Variants in LRP1B observed in about 807,000 individuals in gnomAD.
LRP1B encodes LDL receptor related protein 1B, also known as low-density lipoprotein receptor-related protein 1B.
In LRP1B, 217 loss-of-function variants were observed where a neutral mutation model predicts 556.6. The observed-to-expected ratio is 0.39, with a 90% CI of 0.35 to 0.44. LRP1B has a LOEUF of 0.44. LRP1B is among the 20% of genes least tolerant of loss of function. The pLI, the probability that LRP1B is intolerant of heterozygous loss-of-function variation, is 1.00. For missense variants in LRP1B, 5,053 were observed against 5,620.8 expected (o/e 0.90, Z 3.23); for synonymous variants, 2,047 against 1,865.8 (o/e 1.10, Z -2.50).
chr2:140,918,664 C>T (rs760799588), intron 21 of LRP1B, among the ~76,000 whole-genome samples: 2 of 152,000 alleles, frequency 1.3e-5, no homozygotes, highest in East Asian at 1.9e-4. Flanking sequence ...TGTTATAGAC[C>T]GAATGTTTGT....
At chr2:141,361,064 T>C (rs1688809648) in intron 3 of LRP1B, among the ~76,000 whole-genome samples, 1 of 152,168 alleles carries the variant, frequency 6.6e-6, no homozygotes, top group South Asian at 2.1e-4. Context: ...CATTAGGTAA[T>C]GGATGCTAAA....
chr2:140,881,924 A>T (rs1445902658), intron 25 of LRP1B, among the ~76,000 whole-genome samples: 1 of 152,192 alleles, frequency 6.6e-6, no homozygotes, highest in Non-Finnish European at 1.5e-5. Context: ...AACTGAGATA[A>T]ATAAGTTGAT....
At chr2:141,651,421 T>C (rs1482364039) in intron 2 of LRP1B, among the ~76,000 whole-genome samples, 4 of 152,194 alleles carry the variant, frequency 2.6e-5, no homozygotes, top group African/African-American at 9.7e-5. Flanking sequence ...CCCAGGACTT[T>C]GGGAGGCGGA....
At chr2:140,574,182 C>T (rs959477124) in intron 43 of LRP1B, among the ~76,000 whole-genome samples, 17 of 151,966 alleles carry the variant, frequency 1.1e-4, no homozygotes, top group Non-Finnish European at 2.1e-4. Context: ...AAATGTTGTG[C>T]TCTGCTGTAA....
At chr2:140,366,143 T>A (rs762241028) in intron 71 of LRP1B, among the ~76,000 whole-genome samples, 13 of 151,582 alleles carry the variant, frequency 8.6e-5, no homozygotes, top group Non-Finnish European at 1.8e-4. Flanking sequence ...AAGACAACAC[T>A]GGAGGAAAAA....
At chr2:141,104,902 T>A (rs1700567413) in intron 7 of LRP1B, among the ~76,000 whole-genome samples, 1 of 152,024 alleles carries the variant, frequency 6.6e-6, no homozygotes, top group Non-Finnish European at 1.5e-5. Flanking sequence ...GCAAAATGTA[T>A]TATTAAGAGA....
At chr2:141,174,285 A>T (rs115456123) in intron 7 of LRP1B, among the ~76,000 whole-genome samples, 2,237 of 152,188 alleles carry the variant, frequency 0.015, 23 homozygotes, top group Middle Eastern at 0.041. Context: ...TTATTTGCAG[A>T]AATTGCCCCA....
intron 3 of LRP1B, among the ~76,000 whole-genome samples, chr2:141,333,103 T>A (rs111806708): frequency 6.6e-6 from 1 of 152,156 alleles, no homozygotes; most frequent in Non-Finnish European, 1.5e-5. Context: ...GGTATACCCA[T>A]GAAGACTAAT....
At chr2:141,275,895 A>C (rs1480923724) in intron 3 of LRP1B, among the ~76,000 whole-genome samples, 1 of 151,324 alleles carries the variant, frequency 6.6e-6, no homozygotes, top group Non-Finnish European at 1.5e-5. Context: ...TTGAATTTTA[A>C]GCCATGTAAT....
intron 2 of LRP1B, among the ~76,000 whole-genome samples, chr2:141,707,844 C>T (rs369277212): frequency 4.7e-4 from 71 of 152,264 alleles, no homozygotes; most frequent in African/African-American, 1.6e-3. Context: ...CAACAGGTAT[C>T]TATTAAGACC....
chr2:141,727,818 T>C lies in LRP1B; in HGVS notation c.205+82461A>G, dbSNP rs527880223. On this transcript the variant is annotated intron_variant, in intron 2 of 90. Coordinates refer to ENST00000389484, the MANE Select transcript of LRP1B (RefSeq NM_018557.3). The stretch of plus-strand genomic sequence containing the variant: ...CTATCTATATATCAATCTCTCTATA[T>C]ATATATACACACACATATATATATC... 2.0e-5 allele frequency among the ~76,000 whole-genome samples: 3 copies of C among 152,208 alleles called. No individual in the cohort carries two copies. The East Asian group carries it at 5.8e-4, about 29-fold the overall frequency.
intron 2 of LRP1B, among the ~76,000 whole-genome samples, chr2:141,691,725 T>A (rs1480966113): frequency 6.6e-6 from 1 of 151,940 alleles, no homozygotes; most frequent in Admixed American, 6.6e-5. Flanking sequence ...CCAATTTTTG[T>A]TTATTTGTTT....
At chr2:140,996,426 T>G (rs1437691452) in intron 15 of LRP1B, among the ~76,000 whole-genome samples, 1 of 152,036 alleles carries the variant, frequency 6.6e-6, no homozygotes, top group Non-Finnish European at 1.5e-5. Flanking sequence ...AAATGCATGG[T>G]CTTTTCCCCG....
chr2:141,833,829 T>A (rs1697182619), intron 1 of LRP1B, among the ~76,000 whole-genome samples: 1 of 151,772 alleles, frequency 6.6e-6, no homozygotes, highest in South Asian at 2.1e-4. Flanking sequence ...TTCCTTTCTT[T>A]CAAGGGTAGA....
intron 1 of LRP1B, among the ~76,000 whole-genome samples, chr2:141,964,440 G>T (rs1399141825): frequency 6.8e-6 from 1 of 148,122 alleles, no homozygotes; most frequent in African/African-American, 2.5e-5. Flanking sequence ...AAATAATGCC[G>T]CATACCTACA....
chr2:141,106,979 A>C (rs1700619651), intron 7 of LRP1B, among the ~76,000 whole-genome samples: 1 of 152,030 alleles, frequency 6.6e-6, no homozygotes, highest in Non-Finnish European at 1.5e-5. Flanking sequence ...AAGATAAACT[A>C]ATTGTTTTTT....
At chr2:142,005,114 C>G (rs910500850) in intron 1 of LRP1B, among the ~76,000 whole-genome samples, 1 of 147,970 alleles carries the variant, frequency 6.8e-6, no homozygotes, top group African/African-American at 2.5e-5. Flanking sequence ...TAGTTATTTA[C>G]TATATATAAC....
chr2:141,651,840 G>A (rs1406572257), intron 2 of LRP1B, among the ~76,000 whole-genome samples: 5 of 151,950 alleles, frequency 3.3e-5, no homozygotes, highest in Non-Finnish European at 4.4e-5. Flanking sequence ...ATAATTTTTC[G>A]TAATGGACAT....
intron 32 of LRP1B, among the ~76,000 whole-genome samples, chr2:140,808,932 G>T (rs1690822331): frequency 6.6e-6 from 1 of 152,016 alleles, no homozygotes; most frequent in Admixed American, 6.6e-5. Flanking sequence ...CACAGAAGGG[G>T]CTTATTCTCC....
Sources: gnomAD v4.1 joint callset for allele counts (sites outside exome capture counted in the v4.1 genomes callset) on GRCh38, gnomAD v4.1.1 for gene constraint, MANE v1.5 for transcripts, NCBI Gene and HGNC (gene_info 2026-07-23, HGNC 2026-07-21) for gene names.